NCOR2: variants seen among roughly 807,000 people sequenced by gnomAD.
NCOR2 encodes nuclear receptor corepressor 2.
A neutral mutation model predicts 262.9 loss-of-function variants in NCOR2; 81 were observed. The ratio of observed to expected loss-of-function variants is 0.31; its 90% confidence interval spans 0.26 to 0.37. The LOEUF (loss-of-function observed/expected upper bound fraction) is 0.37, where lower values mean the gene tolerates loss of function less well. Among genes scored for constraint, NCOR2 ranks in the 10% least tolerant of loss-of-function variants. The pLI, the probability that NCOR2 is intolerant of heterozygous loss-of-function variation, is 1.00. For missense variants in NCOR2, 3,385 were observed against 3,621.4 expected, an observed-to-expected ratio of 0.93 and a Z score of 1.68; for synonymous variants, 1,659 against 1,559.3, an observed-to-expected ratio of 1.06 and a Z score of -1.51.
chr12:124,534,367 G>A (rs1594018616), intron 1 of NCOR2, among the ~76,000 whole-genome samples: 1 of 151,740 alleles, frequency 6.6e-6, no homozygotes. Context: ...TGAGGCAGGA[G>A]AATAGCTTGA....
Position 124,517,121 on chromosome 12 carries a change from AT to A in NCOR2, c.-118+18443del, listed in dbSNP as rs1566017925. 6.6e-6 allele frequency among the ~76,000 whole-genome samples: 1 copy of A among 151,650 alleles called. No homozygotes were observed. ...GCTTGTGTAGACCCCACTGTGCCCC[AT>A]TTTACAGACGAGGAAACTGAGGTCT... is the stretch of plus-strand genomic sequence containing the variant. On this transcript the variant is annotated intron_variant, in intron 1 of 46. Transcript: ENST00000404621. This position sits in a 1 kb window ranked among gnomAD's most constrained non-coding sequence, Gnocchi z 7.6.
chr12:124,564,657 C>G (rs913872547), intron 1 of NCOR2, among the ~76,000 whole-genome samples: 1 of 151,908 alleles, frequency 6.6e-6, no homozygotes, highest in Non-Finnish European at 1.5e-5. Context: ...GACAGGACCC[C>G]AGGAGAACCC....
chr12:124,417,946 G>A (rs758106090), intron 13 of NCOR2, among the ~76,000 whole-genome samples: 6 of 151,704 alleles, frequency 4.0e-5, no homozygotes, highest in Non-Finnish European at 8.8e-5. Context: ...CTGTAATGCC[G>A]CCTACTTGGG....
chr12:124,355,248 AC>A (rs1278477003), intron 24 of NCOR2, 183 bp downstream of exon 26: 9 of 689,138 alleles, frequency 1.3e-5, no homozygotes, highest in Non-Finnish European at 1.9e-5. Context: ...ATACAGAGTG[AC>A]CCCCCAGGGA....
chr12:124,350,054 A>G (rs2135885129), intron 28 of NCOR2, among the ~76,000 whole-genome samples: 1 of 152,234 alleles, frequency 6.6e-6, no homozygotes, highest in South Asian at 2.1e-4. Flanking sequence ...GCCCATTAGC[A>G]GCTTTCATCT....
At chr12:124,381,349 C>T (rs989827351) in intron 17 of NCOR2, among the ~76,000 whole-genome samples, 1 of 152,196 alleles carries the variant, frequency 6.6e-6, no homozygotes, top group African/African-American at 2.4e-5. Context: ...GAGGTCTTCC[C>T]TGATCACTCC....
intron 6 of NCOR2, among the ~76,000 whole-genome samples, chr12:124,452,667 G>A (rs1841486189): frequency 6.6e-6 from 1 of 152,254 alleles, no homozygotes; most frequent in Non-Finnish European, 1.5e-5. Context: ...GGGCAGAGGG[G>A]ACAGTGCTTC....
rs1327182402 is a variant in NCOR2 at position 124,396,509 on chromosome 12, T to C, written c.1876+1610A>G. ...GGGGGCTGACAGCAGCCCCAGGCCCTACCAGCTGGATACAGTGCCCAGGCC... is the reference window on the plus strand; with the variant it reads ...GGGGGCTGACAGCAGCCCCAGGCCCCACCAGCTGGATACAGTGCCCAGGCC... On this transcript the variant is annotated intron_variant, in intron 16 of 46. Coordinates refer to ENST00000405201, the Ensembl canonical transcript of NCOR2. Among the ~76,000 whole-genome samples, 3 of 143,916 alleles carry C rather than the reference T, an allele frequency of 2.1e-5. No homozygotes were observed. In the East Asian group the frequency reaches 5.8e-4, roughly 28 times the overall value. 94.4% of individuals were successfully genotyped at this position (143,916 alleles called of 152,430 possible).
intron 13 of NCOR2, among the ~76,000 whole-genome samples, chr12:124,413,617 C>T (rs2042707636): frequency 1.3e-5 from 2 of 152,112 alleles, no homozygotes. Flanking sequence ...GCCAGGACCA[C>T]AAGCACCACA....
chr12:124,433,872 AC>A, intron 8 of NCOR2, among the ~76,000 whole-genome samples: 1 of 46,030 alleles, frequency 2.2e-5, no homozygotes, highest in Non-Finnish European at 4.9e-5. Flanking sequence ...ACACACACAC[AC>A]ACACACACAC....
intron 1 of NCOR2, among the ~76,000 whole-genome samples, chr12:124,545,370 G>A (rs1349900221): frequency 6.6e-6 from 1 of 152,216 alleles, no homozygotes; most frequent in Non-Finnish European, 1.5e-5. Context: ...GGCAGCCCCT[G>A]ACCCAGATCT....
intron 38 of NCOR2, chr12:124,335,953 G>T: frequency 5.6e-6 from 2 of 354,382 alleles, no homozygotes; most frequent in South Asian, 1.1e-4. Context: ...GATGGGGGCA[G>T]CATGGGTCTC....
rs937107884 is a variant in NCOR2, at chr12:124,336,611, C to T, written c.6115+142G>A. On this transcript the variant is annotated intron_variant, in intron 38 of 46. Transcript: ENST00000405201. ...CTGAAAATATCTTTGGACCACGAGA[C>T]GGGGTGGGTGCGGGCCGGAAGTCTT... The T allele has an allele frequency of 3.7e-5, 55 of 1,468,836 alleles. No homozygotes were observed. In the Admixed American group the frequency reaches 1.1e-3, roughly 29 times the overall value. 91.0% of individuals were successfully genotyped at this position (1,468,836 alleles called of 1,614,324 possible).
Position 124,354,131 on chromosome 12 carries a change from AG to A in NCOR2, c.3654del (p.Ser1219ArgfsTer68). 6.2e-7 allele frequency: 1 copy of A among 1,610,730 alleles called. No individual in the cohort carries two copies. On this transcript the variant is annotated frameshift_variant, in exon 27 of 47. Transcript: ENST00000405201. LOFTEE classifies it high-confidence loss of function. ...CCGCGGTATGTGATGGCGCTGTCCGAGGGCACCCGTGTGCTGGGAATGCCTT... is the reference window on the plus strand; with the variant it reads ...CCGCGGTATGTGATGGCGCTGTCCGAGGCACCCGTGTGCTGGGAATGCCTT...
chr12:124,475,289 C>T (rs1016106910), intron 3 of NCOR2, among the ~76,000 whole-genome samples: 1 of 152,196 alleles, frequency 6.6e-6, no homozygotes, highest in African/African-American at 2.4e-5. Flanking sequence ...CTAGAAATCA[C>T]ACCTGGGGCC....
chr12:124,424,178 G>A (rs1256538998), intron 11 of NCOR2, among the ~76,000 whole-genome samples: 2 of 152,192 alleles, frequency 1.3e-5, no homozygotes, highest in Non-Finnish European at 2.9e-5. Flanking sequence ...AAAGGCTGAA[G>A]CCGCAGAAAG....
At chr12:124,373,771 T>TGGACAATCATGAGGCCAGTGCGTGC in intron 19 of NCOR2, among the ~76,000 whole-genome samples, 1 of 6,354 alleles carries the variant, frequency 1.6e-4, no homozygotes, top group African/African-American at 3.6e-4. Context: ...CCAGTGCGTG[T>TGGACAATCATGAGGCCAGTGCGTGC]GCAGGGGCCC....
At chr12:124,563,103 G>A (rs1057231055) in intron 1 of NCOR2, among the ~76,000 whole-genome samples, 3 of 152,164 alleles carry the variant, frequency 2.0e-5, no homozygotes, top group Non-Finnish European at 2.9e-5. Context: ...ACAGGTGGCC[G>A]GCAATGTGCC....
intron 3 of NCOR2, among the ~76,000 whole-genome samples, chr12:124,474,746 A>G (rs1425769231): frequency 6.6e-6 from 1 of 152,048 alleles, no homozygotes; most frequent in East Asian, 1.9e-4. Flanking sequence ...GGCATACCGT[A>G]AGCCTCAATA....
Sources: allele counts gnomAD v4.1 joint callset (sites outside exome capture counted in the v4.1 genomes callset), GRCh38; gene constraint gnomAD v4.1.1; non-coding constraint Gnocchi (gnomAD v3.1); transcripts MANE v1.5; gene names NCBI Gene and HGNC (gene_info 2026-07-23, HGNC 2026-07-21).